Variants in ANKRD22 observed in about 807,000 individuals in gnomAD.
ANKRD22 encodes the protein ankyrin repeat domain 22, also known as ankyrin repeat domain-containing protein 22.
In ANKRD22, 24 loss-of-function variants were observed where a neutral mutation model predicts 25.7. The observed-to-expected ratio is 0.93, with a 90% CI of 0.68 to 1.31. The LOEUF is 1.31. Ranked by LOEUF, ANKRD22 falls within the 50% of genes most tolerant of loss-of-function variation. The probability of loss-of-function intolerance (pLI) is 0.00; values close to 1 mark genes in which losing one functional copy is unlikely to be tolerated. For synonymous variants in ANKRD22, 84 were observed against 84.3 expected, an observed-to-expected ratio of 1.00 and a Z score of 0.02; for missense variants, 214 against 227.1, an observed-to-expected ratio of 0.94 and a Z score of 0.37.
At chr10:88,848,621 T>G (rs1385853670) in intron 1 of ANKRD22, among the ~76,000 whole-genome samples, 18 of 152,178 alleles carry the variant, frequency 1.2e-4, no homozygotes, top group Non-Finnish European at 2.6e-4. Flanking sequence ...TGACACGATG[T>G]TAAATGTGAA....
In ANKRD22 at chr10:88,828,672, A is replaced by G; in HGVS notation, c.214-6T>C. The G allele has an allele frequency of 1.3e-6, 2 of 1,556,662 alleles. No individual in the cohort carries two copies. The highest frequency in any genetic ancestry group is 1.7e-6 in the Non-Finnish European group (2 of 1,144,128). On this transcript the variant is annotated splice_polypyrimidine_tract_variant and splice_region_variant and intron_variant, in intron 2 of 5. Coordinates refer to ENST00000371930, the MANE Select transcript of ANKRD22 (RefSeq NM_144590.3). ...TGCAAGCAGGTTCTCTCTTTCTAAAAATTAAGAAAAGGATTCTTTACTAAT... is the reference window on the plus strand; with the variant it reads ...TGCAAGCAGGTTCTCTCTTTCTAAAGATTAAGAAAAGGATTCTTTACTAAT...
chr10:88,848,174 G>A (rs12265696), intron 1 of ANKRD22, among the ~76,000 whole-genome samples: 10,236 of 137,258 alleles, frequency 0.075, 1,128 homozygotes, highest in African/African-American at 0.24. Context: ...GTATATATGT[G>A]TATATATATA....
intron 1 of ANKRD22, among the ~76,000 whole-genome samples, chr10:88,835,928 T>C (rs1843949741): frequency 6.6e-6 from 1 of 152,152 alleles, no homozygotes; most frequent in African/African-American, 2.4e-5. Flanking sequence ...CTGGAAAAGC[T>C]ATCATAAACC....
intron 1 of ANKRD22, among the ~76,000 whole-genome samples, chr10:88,835,252 T>C (rs1843943037): frequency 6.6e-6 from 1 of 152,182 alleles, no homozygotes; most frequent in South Asian, 2.1e-4. Flanking sequence ...ATTTGAGCAA[T>C]ATTATGTAAA....
intron 1 of ANKRD22, among the ~76,000 whole-genome samples, chr10:88,845,486 A>C (rs1019312040): frequency 2.0e-4 from 30 of 152,064 alleles, no homozygotes; most frequent in African/African-American, 6.8e-4. Flanking sequence ...TAGATGTCTC[A>C]TGGATATCGC....
intron 4 of ANKRD22, among the ~76,000 whole-genome samples, chr10:88,825,206 T>C (rs1389960183): frequency 6.6e-6 from 1 of 152,232 alleles, no homozygotes; most frequent in Non-Finnish European, 1.5e-5. Flanking sequence ...AGAATGTTAG[T>C]ATTTTGGAAT....
intron 1 of ANKRD22, among the ~76,000 whole-genome samples, chr10:88,843,441 T>C (rs1437977421): frequency 6.6e-6 from 1 of 152,184 alleles, no homozygotes; most frequent in Non-Finnish European, 1.5e-5. Context: ...GGAGAAAACG[T>C]TGCCTTTGCA....
intron 1 of ANKRD22, among the ~76,000 whole-genome samples, chr10:88,842,391 G>C (rs1240034319): frequency 6.6e-6 from 1 of 152,088 alleles, no homozygotes; most frequent in Non-Finnish European, 1.5e-5. Context: ...TCCAGAACCA[G>C]TGTTTTAACC....
At chr10:88,833,344 T>G (rs1172122807) in intron 1 of ANKRD22, among the ~76,000 whole-genome samples, 1 of 151,988 alleles carries the variant, frequency 6.6e-6, no homozygotes, top group African/African-American at 2.4e-5. Flanking sequence ...ATTGTCATTC[T>G]TTAATAATCA....
chr10:88,824,429 A>AT (rs1843834197), intron 4 of ANKRD22, among the ~76,000 whole-genome samples: 1 of 152,152 alleles, frequency 6.6e-6, no homozygotes, highest in African/African-American at 2.4e-5. Flanking sequence ...GCAATTATTT[A>AT]TTTTTATTAA....
chr10:88,841,206 G>C (rs1023813632), intron 1 of ANKRD22, among the ~76,000 whole-genome samples: 3 of 152,074 alleles, frequency 2.0e-5, no homozygotes, highest in African/African-American at 7.2e-5. Context: ...CACCTCCAGC[G>C]AGGAGTAAGG....
At chr10:88,838,953 A>G (rs1843980303) in intron 1 of ANKRD22, among the ~76,000 whole-genome samples, 1 of 152,182 alleles carries the variant, frequency 6.6e-6, no homozygotes, top group Non-Finnish European at 1.5e-5. Flanking sequence ...CCCATGGGCT[A>G]ACCTGTGAAC....
rs922535494 is a variant in ANKRD22 at position 88,820,555 on chromosome 10, C to T, written c.*2386G>A. On this transcript the variant is annotated 3_prime_UTR_variant, in exon 6 of 6. Transcript: ENST00000371930. The stretch of plus-strand genomic sequence containing the variant: ...ACCTCCTGAGGGATGGGGCTAGGAC[C>T]CATGAAGGCAGAATTACGGAGAGCA... The T allele has an allele frequency of 3.2e-5, 48 of 1,492,236 alleles. No individual in the cohort carries two copies. The highest frequency in any genetic ancestry group is 4.0e-5 in the Non-Finnish European group (45 of 1,116,450). 92.4% of individuals were successfully genotyped at this position (1,492,236 alleles called of 1,614,324 possible).
chr10:88,846,204 T>G lies in ANKRD22; in HGVS notation c.21+5383A>C, dbSNP rs1306399207. ...TCAAAGTCACTTTATTTATAATACT[T>G]ACTGAACATAGTTGCAGGACAGAGG... On this transcript the variant is annotated intron_variant, in intron 1 of 5. Coordinates refer to ENST00000371930, the MANE Select transcript of ANKRD22 (RefSeq NM_144590.3). Among the ~76,000 whole-genome samples the G allele has an allele frequency of 3.3e-5, 5 of 152,282 alleles. No individual in the cohort carries two copies. The East Asian group carries it at 9.7e-4, about 29-fold the overall frequency.
chr10:88,844,273 G>A (rs1209611709), intron 1 of ANKRD22, among the ~76,000 whole-genome samples: 3 of 152,104 alleles, frequency 2.0e-5, no homozygotes, highest in African/African-American at 7.2e-5. Context: ...CGGGAAATTT[G>A]GGAAGCAAAT....
At chr10:88,839,596 A>G (rs976939287) in intron 1 of ANKRD22, among the ~76,000 whole-genome samples, 1 of 152,150 alleles carries the variant, frequency 6.6e-6, no homozygotes, top group Non-Finnish European at 1.5e-5. Context: ...CAAGCAGCTC[A>G]TTGGCCTTAA....
At chr10:88,838,867 G>A (rs1843979345) in intron 1 of ANKRD22, among the ~76,000 whole-genome samples, 1 of 152,152 alleles carries the variant, frequency 6.6e-6, no homozygotes, top group African/African-American at 2.4e-5. Flanking sequence ...TTTCAGTGAA[G>A]GCACAGAGGA....
Position 88,822,280 on chromosome 10 carries a change from T to C in ANKRD22, c.*661A>G, listed in dbSNP as rs1403022267. 6.6e-6 allele frequency: 1 copy of C among 152,200 alleles called. No individual in the cohort carries two copies. Among genetic ancestry groups the C allele is most frequent in the East Asian group, 1.9e-4 (1 of 5,200 alleles). The allele number at this position is 152,200 out of a possible 1,614,324, so 9.4% of individuals were successfully genotyped here. A position where few individuals can be genotyped will look rare whatever the true frequency, so the allele number is the denominator to read the frequency against. On this transcript the variant is annotated 3_prime_UTR_variant, in exon 6 of 6. Transcript: ENST00000371930. ...ACTTGATAGATGTTTTTATTGAAAT[T>C]CCTTCACCAAAGGAATATTTACTTG...
chr10:88,833,641 A>G (rs976658031), intron 1 of ANKRD22, among the ~76,000 whole-genome samples: 3 of 152,202 alleles, frequency 2.0e-5, no homozygotes, highest in Non-Finnish European at 4.4e-5. Context: ...CTAAAGGCCT[A>G]CTCATGAAAG....
Sources: gnomAD v4.1 joint callset for allele counts (sites outside exome capture counted in the v4.1 genomes callset) on GRCh38, gnomAD v4.1.1 for gene constraint, MANE v1.5 for transcripts, NCBI Gene and HGNC (gene_info 2026-07-23, HGNC 2026-07-21) for gene names.